Variants in AUTS2 observed in about 807,000 individuals in gnomAD.
AUTS2 encodes the protein activator of transcription and developmental regulator AUTS2.
In AUTS2, 17 loss-of-function variants were observed where a neutral mutation model predicts 112.4. That is an observed-to-expected ratio of 0.15 (90% CI 0.10 to 0.23). AUTS2 has a LOEUF of 0.23. Among genes scored for constraint, AUTS2 ranks in the 10% least tolerant of loss-of-function variants. The pLI is 1.00. For synonymous variants in AUTS2, 751 were observed against 702.7 expected, an observed-to-expected ratio of 1.07 and a Z score of -1.09; for missense variants, 1,510 against 1,701.6, an observed-to-expected ratio of 0.89 and a Z score of 1.98.
intron 5 of AUTS2, among the ~76,000 whole-genome samples, chr7:70,486,131 G>T (rs1479339378): frequency 6.6e-6 from 1 of 152,172 alleles, no homozygotes; most frequent in Non-Finnish European, 1.5e-5. Flanking sequence ...GTCTGCCTCT[G>T]CCAGGTAATC....
Position 69,648,108 on chromosome 7 carries a change from A to G in AUTS2, c.309+48146A>G, listed in dbSNP as rs145168203. Among the ~76,000 whole-genome samples the G allele has an allele frequency of 2.4e-3, 370 of 152,306 alleles. 2 individuals carry two copies. The highest frequency in any genetic ancestry group is 8.4e-3 in the African/African-American group (351 of 41,554). On this transcript the variant is annotated intron_variant, in intron 1 of 18. Transcript: ENST00000342771. ...TAACGTATATTTCTGAGGGGACACA[A>G]TTAAACCCATAACAGAGTTCTACTT...
intron 1 of AUTS2, among the ~76,000 whole-genome samples, chr7:69,652,065 A>C (rs562969248): frequency 4.6e-5 from 7 of 152,178 alleles, no homozygotes; most frequent in African/African-American, 1.4e-4. Flanking sequence ...TGGAGCCTCC[A>C]GCTTGTAGGA....
At chr7:69,774,808 G>A (rs1383155628) in intron 1 of AUTS2, among the ~76,000 whole-genome samples, 4 of 152,096 alleles carry the variant, frequency 2.6e-5, no homozygotes, top group Non-Finnish European at 5.9e-5. Flanking sequence ...GAAGATTCTG[G>A]TTCAGTAGGT....
intron 5 of AUTS2, among the ~76,000 whole-genome samples, chr7:70,471,451 T>G (rs1162566905): frequency 6.6e-6 from 1 of 152,208 alleles, no homozygotes; most frequent in Non-Finnish European, 1.5e-5. Context: ...AAATGAAGAC[T>G]CTGAGATATG....
intron 1 of AUTS2, among the ~76,000 whole-genome samples, chr7:69,828,619 A>C (rs1331393295): frequency 1.3e-5 from 2 of 152,236 alleles, no homozygotes; most frequent in Admixed American, 1.3e-4. Flanking sequence ...CCATTCATAC[A>C]GGATGGTTTG....
At chr7:70,545,513 T>C (rs1172099536) in intron 5 of AUTS2, among the ~76,000 whole-genome samples, 4 of 152,224 alleles carry the variant, frequency 2.6e-5, no homozygotes, top group East Asian at 1.9e-4. Flanking sequence ...TAGATGGTGC[T>C]CCAGTGCACT....
intron 6 of AUTS2, among the ~76,000 whole-genome samples, chr7:70,737,270 T>C (rs1403731086): frequency 6.6e-6 from 1 of 152,204 alleles, no homozygotes; most frequent in Non-Finnish European, 1.5e-5. Flanking sequence ...GCAGAGACCA[T>C]GGGCATCAGC....
At chr7:70,063,484 G>A (rs1434387449) in intron 2 of AUTS2, among the ~76,000 whole-genome samples, 4 of 152,124 alleles carry the variant, frequency 2.6e-5, no homozygotes, top group Admixed American at 6.5e-5. Flanking sequence ...GATCATGGGC[G>A]AGTTATTTAA....
chr7:70,507,711 C>T (rs1439920256), intron 5 of AUTS2, among the ~76,000 whole-genome samples: 1 of 152,072 alleles, frequency 6.6e-6, no homozygotes, highest in Non-Finnish European at 1.5e-5. Context: ...GCAGGAGAAT[C>T]GCTTGAACCC....
intron 5 of AUTS2, among the ~76,000 whole-genome samples, chr7:70,644,495 T>G (rs1387862287): frequency 6.6e-6 from 1 of 152,176 alleles, no homozygotes; most frequent in African/African-American, 2.4e-5. Flanking sequence ...CTCCACGAAC[T>G]GTCTCCCACA....
chr7:69,941,009 A>G (rs1347446580), intron 2 of AUTS2, among the ~76,000 whole-genome samples: 2 of 152,216 alleles, frequency 1.3e-5, no homozygotes, highest in Non-Finnish European at 2.9e-5. Context: ...GGCTTGTGTC[A>G]TCCAAATATG....
At chr7:70,579,713 G>T (rs533383333) in intron 5 of AUTS2, among the ~76,000 whole-genome samples, 1 of 152,306 alleles carries the variant, frequency 6.6e-6, no homozygotes, top group African/African-American at 2.4e-5. Flanking sequence ...TAATGTGATG[G>T]AATTCATCTT....
At chr7:69,698,926 A>G (rs1265691446) in intron 1 of AUTS2, among the ~76,000 whole-genome samples, 1 of 152,192 alleles carries the variant, frequency 6.6e-6, no homozygotes, top group Non-Finnish European at 1.5e-5. Context: ...GAGGTAAGAT[A>G]GATTTCCCAA....
intron 4 of AUTS2, among the ~76,000 whole-genome samples, chr7:70,157,559 A>G (rs1006796515): frequency 7.9e-5 from 12 of 152,110 alleles, no homozygotes; most frequent in Middle Eastern, 3.4e-3. Flanking sequence ...GGCTCAAGCA[A>G]TCCTCCCACC....
chr7:70,331,257 T>A (rs949783806), intron 4 of AUTS2, among the ~76,000 whole-genome samples: 3 of 152,338 alleles, frequency 2.0e-5, no homozygotes, highest in Non-Finnish European at 4.4e-5. Flanking sequence ...GAATTTGACT[T>A]CTTCCTGGTT....
At chr7:70,010,536 C>T (rs564573532) in intron 2 of AUTS2, among the ~76,000 whole-genome samples, 8 of 152,292 alleles carry the variant, frequency 5.3e-5, no homozygotes, top group African/African-American at 1.4e-4. Flanking sequence ...ACTCCATCCC[C>T]CTTGATGACT....
intron 1 of AUTS2, among the ~76,000 whole-genome samples, chr7:69,641,180 G>A (rs531992537): frequency 6.6e-6 from 1 of 152,284 alleles, no homozygotes; most frequent in Admixed American, 6.5e-5. Flanking sequence ...TAGCAATAAA[G>A]TACTCAAATG....
At chr7:69,658,209 G>C (rs753478726) in intron 1 of AUTS2, among the ~76,000 whole-genome samples, 1 of 152,126 alleles carries the variant, frequency 6.6e-6, no homozygotes, top group Non-Finnish European at 1.5e-5. Flanking sequence ...GAAACCATAT[G>C]GCCTGAATAG....
At chr7:69,678,192 T>C (rs1796643743) in intron 1 of AUTS2, among the ~76,000 whole-genome samples, 1 of 152,010 alleles carries the variant, frequency 6.6e-6, no homozygotes, top group African/African-American at 2.4e-5. Context: ...CGTCCCCTGC[T>C]TGATCCTCAT....
Sources: allele counts gnomAD v4.1 joint callset (sites outside exome capture counted in the v4.1 genomes callset), GRCh38; gene constraint gnomAD v4.1.1; transcripts MANE v1.5; gene names NCBI Gene and HGNC (gene_info 2026-07-23, HGNC 2026-07-21).